USP24: variants seen among roughly 807,000 people sequenced by gnomAD.
USP24 encodes ubiquitin carboxyl-terminal hydrolase 24.
USP24 carries 97 observed loss-of-function variants against 361.6 expected under a neutral mutation model. The observed-to-expected ratio is 0.27, with a 90% CI of 0.23 to 0.32. The LOEUF (loss-of-function observed/expected upper bound fraction) is 0.32. USP24 is among the 10% of genes least tolerant of loss of function. The probability of loss-of-function intolerance (pLI) is 1.00; values close to 1 mark genes in which losing one functional copy is unlikely to be tolerated. For synonymous variants in USP24, 1,098 were observed against 1,124.6 expected (o/e 0.98, Z 0.47); for missense variants, 2,353 against 3,165.6 (o/e 0.74, Z 6.16).
chr1:55,192,897 A>G (rs925507941), intron 1 of USP24, among the ~76,000 whole-genome samples: 5 of 152,206 alleles, frequency 3.3e-5, no homozygotes, highest in African/African-American at 1.2e-4. Flanking sequence ...TTCCTAAACT[A>G]TTCAACAAAA....
rs930239698 is a variant in USP24 at position 55,157,379 on chromosome 1, A to G, written c.1228-9T>C. The G allele has an allele frequency of 1.5e-5, 23 of 1,486,034 alleles. No homozygotes were observed. Among genetic ancestry groups the G allele is most frequent in the African/African-American group, 4.2e-5 (3 of 70,898 alleles). 92.1% of individuals were successfully genotyped at this position (1,486,034 alleles called of 1,614,324 possible). A position where few individuals can be genotyped will look rare whatever the true frequency, so the allele number is the denominator to read the frequency against. On this transcript the variant is annotated splice_polypyrimidine_tract_variant and intron_variant, in intron 10 of 67. Coordinates refer to ENST00000294383, the MANE Select transcript of USP24 (RefSeq NM_015306.3). ...TCTATTAGTTTGGTTACCTAAAAAG[A>G]TAAGATTATTGTGACTGAGTCTAAT... is the stretch of plus-strand genomic sequence containing the variant.
At chr1:55,099,610 T>C (rs1403649159) in intron 45 of USP24, among the ~76,000 whole-genome samples, 161 bp downstream of exon 45, 1 of 152,112 alleles carries the variant, frequency 6.6e-6, no homozygotes, top group Non-Finnish European at 1.5e-5. Context: ...TTGATCTGTG[T>C]TATGTTTTGA....
At chr1:55,181,489 A>T (rs540636600) in intron 1 of USP24, among the ~76,000 whole-genome samples, 3 of 152,244 alleles carry the variant, frequency 2.0e-5, no homozygotes, top group Non-Finnish European at 4.4e-5. Flanking sequence ...GATAGGACTC[A>T]AATAGTAAAA....
In USP24 at chr1:55,096,929, GTGC is replaced by G; in HGVS notation, c.5936+20_5936+22del. The G allele has an allele frequency of 5.0e-6, 8 of 1,606,110 alleles. No individual in the cohort carries two copies. Among genetic ancestry groups the G allele is most frequent in the Non-Finnish European group, 6.8e-6 (8 of 1,175,402 alleles). ...GCAGGGGAGGGCAGAAAGTGAGTAAGTGCTGCCTCAGGAAACTCTTACCGCCTG... is the reference window on the plus strand; with the variant it reads ...GCAGGGGAGGGCAGAAAGTGAGTAAGTGCCTCAGGAAACTCTTACCGCCTG... On this transcript the variant is annotated intron_variant, in intron 49 of 67. Transcript: ENST00000294383.
intron 63 of USP24, 127 bp downstream of exon 63, chr1:55,075,330 G>GT (rs1645003190): frequency 2.3e-6 from 2 of 864,690 alleles, no homozygotes; most frequent in South Asian, 1.8e-5. Context: ...CAGTGGCCCT[G>GT]ACCAGACTTC....
At chr1:55,138,032 A>AC in intron 26 of USP24, 128 bp from the exon 27 acceptor site, 1 of 867,776 alleles carries the variant, frequency 1.2e-6, no homozygotes, top group Non-Finnish European at 1.8e-6. Context: ...GAACATAAAG[A>AC]CAAGAACCCC....
chr1:55,213,187 G>A (rs945133961), intron 1 of USP24, among the ~76,000 whole-genome samples: 1 of 152,194 alleles, frequency 6.6e-6, no homozygotes, highest in Admixed American at 6.5e-5. Flanking sequence ...AGGAACGAGG[G>A]AGGAGTGATA....
chr1:55,145,945 T>TAA, intron 20 of USP24, 53 bp downstream of exon 20: 1 of 1,264,776 alleles, frequency 7.9e-7, no homozygotes, highest in South Asian at 1.2e-5. Context: ...AAGGAAAGAA[T>TAA]AACACTTCTT....
chr1:55,206,678 C>CG (rs951433945), intron 1 of USP24, among the ~76,000 whole-genome samples: 27 of 133,366 alleles, frequency 2.0e-4, no homozygotes, highest in African/African-American at 5.4e-4. Flanking sequence ...AAAAAAGGGT[C>CG]GGGGGGGCAT....
chr1:55,172,666 G>T, intron 3 of USP24, 146 bp from the exon 4 acceptor site: 2 of 806,642 alleles, frequency 2.5e-6, no homozygotes, highest in Non-Finnish European at 3.6e-6. Context: ...ACCCATAGCT[G>T]TAGTTCATCT....
At chr1:55,072,706 C>A in intron 65 of USP24, 80 bp downstream of exon 65, 3 of 1,342,314 alleles carry the variant, frequency 2.2e-6, no homozygotes, top group South Asian at 2.7e-5. Flanking sequence ...TCTCCATATT[C>A]AGTTCTAGAG....
rs565761338 is a variant in USP24, at chr1:55,160,337, T to A, written c.994-652A>T. Among the ~76,000 whole-genome samples the A allele has an allele frequency of 2.0e-5, 3 of 152,350 alleles. No homozygotes were observed. The East Asian group carries it at 5.8e-4, about 29-fold the overall frequency. ...AAATGACATCAGGCAGTTATCCAGA[T>A]AGAATTTCTTCTTTTACACTTAATG... On this transcript the variant is annotated intron_variant, in intron 8 of 67. Coordinates refer to ENST00000294383, the MANE Select transcript of USP24 (RefSeq NM_015306.3).
Position 55,212,744 on chromosome 1 carries a change from C to G in USP24, c.324+2046G>C, listed in dbSNP as rs552296899. ...CTGCCAATACGCTTCGTGGGTAAAGCAGCCTCAGTCACCAGCTCCTCTTGA... is the reference window on the plus strand; with the variant it reads ...CTGCCAATACGCTTCGTGGGTAAAGGAGCCTCAGTCACCAGCTCCTCTTGA... On this transcript the variant is annotated intron_variant, in intron 1 of 67. Transcript: ENST00000294383. Among the ~76,000 whole-genome samples the G allele has an allele frequency of 1.2e-4, 19 of 152,340 alleles. No individual in the cohort carries two copies. The East Asian group carries it at 3.5e-3, about 28-fold the overall frequency.
At chr1:55,080,598 C>G (rs1052761204) in intron 59 of USP24, among the ~76,000 whole-genome samples, 1 of 152,014 alleles carries the variant, frequency 6.6e-6, no homozygotes, top group Non-Finnish European at 1.5e-5. Context: ...GCTTTAAACA[C>G]AATAAATTTA....
At chr1:55,210,046 C>T (rs1644812047) in intron 1 of USP24, among the ~76,000 whole-genome samples, 1 of 152,066 alleles carries the variant, frequency 6.6e-6, no homozygotes, top group Admixed American at 6.5e-5. Context: ...AAAATTTAAG[C>T]TAACAATATT....
chr1:55,199,266 G>A (rs1486121478), intron 1 of USP24, among the ~76,000 whole-genome samples: 2 of 151,786 alleles, frequency 1.3e-5, no homozygotes, highest in Non-Finnish European at 2.9e-5. Flanking sequence ...TTTAGCTTGG[G>A]CGACAGAGCG....
intron 1 of USP24, among the ~76,000 whole-genome samples, chr1:55,203,486 G>C (rs1202992835): frequency 6.6e-6 from 1 of 152,194 alleles, no homozygotes; most frequent in Non-Finnish European, 1.5e-5. Context: ...TGCTAGTTCT[G>C]CTTACTGGAA....
In USP24 at chr1:55,142,734, C is replaced by A; in HGVS notation, c.2634+8G>T. On this transcript the variant is annotated splice_region_variant and intron_variant, in intron 23 of 67. Transcript: ENST00000294383. The stretch of plus-strand genomic sequence containing the variant: ...TCAAAGAGATGTTAAATAAAATTTG[C>A]TACTCACTTCTAATCTTGTGTAGCA... 1 of 1,495,418 alleles carries A rather than the reference C, an allele frequency of 6.7e-7. No homozygotes were observed. The highest frequency in any genetic ancestry group is 1.3e-5 in the South Asian group (1 of 75,330). The allele number at this position is 1,495,418 out of a possible 1,614,324, so 92.6% of individuals were successfully genotyped here.
rs1379984740 is a variant in USP24, at chr1:55,183,532, G to A, written c.325-5400C>T. The stretch of plus-strand genomic sequence containing the variant: ...AAATGTATATTGAGAAAGAAACAAG[G>A]GAATTAAAATGATACACCAGAAAAT... On this transcript the variant is annotated intron_variant, in intron 1 of 67. Coordinates refer to ENST00000294383, the MANE Select transcript of USP24 (RefSeq NM_015306.3). Among the ~76,000 whole-genome samples the A allele has an allele frequency of 2.0e-5, 3 of 151,914 alleles. No homozygotes were observed. The East Asian group carries it at 5.8e-4, about 29-fold the overall frequency.
Sources: gnomAD v4.1 joint callset for allele counts (sites outside exome capture counted in the v4.1 genomes callset) on GRCh38, gnomAD v4.1.1 for gene constraint, MANE v1.5 for transcripts, NCBI Gene and HGNC (gene_info 2026-07-23, HGNC 2026-07-21) for gene names.